The following ILDR1 variants were observed in gnomAD, a reference collection of about 807,000 sequenced individuals.
ILDR1 encodes the protein immunoglobulin like domain containing receptor 1.
In ILDR1, 56 loss-of-function variants were observed where a neutral mutation model predicts 62.4. That is an observed-to-expected ratio of 0.90 (90% CI 0.72 to 1.12). ILDR1 has a LOEUF of 1.12. ILDR1 is among the 50% of genes most tolerant of loss of function. ILDR1 has a pLI of 0.00. For missense variants in ILDR1, 736 were observed against 710.6 expected (o/e 1.04, Z -0.41); for synonymous variants, 284 against 277.8 (o/e 1.02, Z -0.22).
chr3:122,042,676 A>C, the ILDR1 span, among the ~76,000 whole-genome samples: 10 of 152,300 alleles, frequency 6.6e-5, no homozygotes, highest in South Asian at 2.1e-3. Context: ...AGTGATGATG[A>C]GCATTTTTTC....
At chr3:122,022,477 A>G (rs2071876620), upstream of ILDR1, among the ~76,000 whole-genome samples, 1 of 152,200 alleles carries the variant, frequency 6.6e-6, no homozygotes, top group Non-Finnish European at 1.5e-5. Context: ...CTCTCCTTCT[A>G]GAATTATGTG....
intron 1 of ILDR1, among the ~76,000 whole-genome samples, chr3:122,020,661 AG>A (rs1470152067): frequency 6.6e-6 from 1 of 152,208 alleles, no homozygotes; most frequent in Non-Finnish European, 1.5e-5. Flanking sequence ...TGAGATGAGC[AG>A]GGGAGCCACA....
At chr3:122,055,469 G>A in the ILDR1 span, 7 of 1,613,352 alleles carry the variant, frequency 4.3e-6, no homozygotes, top group African/African-American at 1.3e-5. Context: ...CAGATATTAG[G>A]TCACAGCAGA....
intron 7 of ILDR1, among the ~76,000 whole-genome samples, chr3:121,991,931 C>T (rs796294908): frequency 2.6e-5 from 4 of 152,154 alleles, no homozygotes; most frequent in South Asian, 2.1e-4. Context: ...CTCTCTGCTC[C>T]GGGAACTTAT....
At position 121,993,616 on chromosome 3, in the gene ILDR1, TG is replaced by T; in HGVS notation, c.1132del (p.Gln378ArgfsTer31). The T allele has an allele frequency of 6.2e-7, 1 of 1,614,176 alleles. No individual in the cohort carries two copies. Among genetic ancestry groups the T allele is most frequent in the Non-Finnish European group, 8.5e-7 (1 of 1,180,026 alleles). On this transcript the variant is annotated frameshift_variant, in exon 7 of 8. Transcript: ENST00000344209. LOFTEE classifies it high-confidence loss of function. ...RSHHHYPDFH[Q>X]ELQDRGPKSW... ...CTTTGGCCCCCGGTCCTGGAGCTCC[TG>T]GTGGAAATCAGGGTAATGGTGGTGG...
the ILDR1 span, among the ~76,000 whole-genome samples, chr3:122,047,040 C>T: frequency 6.9e-6 from 1 of 144,952 alleles, no homozygotes; most frequent in African/African-American, 2.6e-5. Flanking sequence ...TTTTCCCCAT[C>T]TTTGTGGTTT....
At chr3:122,050,768 G>A in the ILDR1 span, among the ~76,000 whole-genome samples, 4 of 151,870 alleles carry the variant, frequency 2.6e-5, no homozygotes, top group South Asian at 8.3e-4. Context: ...TTGTATTGCT[G>A]TTTAGTATCT....
At chr3:122,046,688 C>A in the ILDR1 span, among the ~76,000 whole-genome samples, 3 of 147,920 alleles carry the variant, frequency 2.0e-5, no homozygotes, top group Non-Finnish European at 4.5e-5. Context: ...ATTGCTGATA[C>A]CCTTTCTTCC....
chr3:122,008,588 CTTTTCTTTTTTTTTTT>C (rs1559879424), intron 1 of ILDR1, among the ~76,000 whole-genome samples: 6 of 66,448 alleles, frequency 9.0e-5, no homozygotes, highest in Non-Finnish European at 2.3e-4. Flanking sequence ...CTTTTCTTTT[CTTTTCTTTTTTTTTTT>C]TTTTTTTGAG....
the ILDR1 span, among the ~76,000 whole-genome samples, chr3:122,039,002 AAAAG>A: frequency 1.2e-4 from 19 of 152,150 alleles, no homozygotes; most frequent in Non-Finnish European, 2.2e-4. Context: ...AAAAATTTTA[AAAAG>A]AAAGAGAACT....
In ILDR1 at chr3:122,001,815, A is replaced by C; in HGVS notation, c.429T>G (p.Tyr143Ter). The C allele has an allele frequency of 6.2e-7, 1 of 1,613,596 alleles. No individual in the cohort carries two copies. The highest frequency in any genetic ancestry group is 8.5e-7 in the Non-Finnish European group (1 of 1,179,940). ...NEVMWWDHGVYYCTIEAPGDT... is the reference protein window; with the variant it reads ...NEVMWWDHGV ...CCCCTGGAGCCTCAATGGTGCAGTA[A>C]TACACTCCATGGTCCCACCACATCA... Residue 143 changes from tyrosine (Y) to a stop codon, truncating the protein, a stop_gained, in exon 4 of 8, where the codon TAT (tyrosine) becomes TAG (stop). Transcript: ENST00000344209. LOFTEE classifies it high-confidence loss of function.
intron 5 of ILDR1, among the ~76,000 whole-genome samples, chr3:121,996,707 G>A (rs1159670804): frequency 6.6e-6 from 1 of 152,042 alleles, no homozygotes; most frequent in African/African-American, 2.4e-5. Context: ...TCACTCCCAG[G>A]GACTCTCCTT....
At chr3:122,032,591 C>T in the ILDR1 span, among the ~76,000 whole-genome samples, 3 of 152,180 alleles carry the variant, frequency 2.0e-5, no homozygotes, top group Non-Finnish European at 4.4e-5. Context: ...AAATCCATGA[C>T]CCTCAAGTGT....
At chr3:121,990,479 T>C (rs532028894) in intron 7 of ILDR1, among the ~76,000 whole-genome samples, 1 of 152,348 alleles carries the variant, frequency 6.6e-6, no homozygotes, top group African/African-American at 2.4e-5. Context: ...AACTTTACAA[T>C]TGAAAATTTG....
the ILDR1 span, among the ~76,000 whole-genome samples, chr3:122,047,904 G>A: frequency 2.9e-4 from 44 of 152,336 alleles, no homozygotes; most frequent in Admixed American, 1.3e-3. Context: ...GCTGTAGACC[G>A]GAGCTGTTCC....
At chr3:122,018,394 T>TGG (rs535294009) in intron 1 of ILDR1, among the ~76,000 whole-genome samples, 1,322 of 51,820 alleles carry the variant, frequency 0.026, 28 homozygotes, top group African/African-American at 0.066. Flanking sequence ...CCTGTTGGGG[T>TGG]GGGGGGGGGG....
intron 5 of ILDR1, among the ~76,000 whole-genome samples, chr3:121,997,038 T>A (rs1001686410): frequency 1.3e-5 from 2 of 152,108 alleles, no homozygotes; most frequent in Non-Finnish European, 2.9e-5. Flanking sequence ...GTAGCTGGGA[T>A]TACAGGCGCC....
At chr3:122,051,363 A>C in the ILDR1 span, among the ~76,000 whole-genome samples, 1 of 152,028 alleles carries the variant, frequency 6.6e-6, no homozygotes, top group Non-Finnish European at 1.5e-5. Context: ...ATTTCAAATG[A>C]CTTGTAATTG....
chr3:122,020,669 C>T (rs2071841479), intron 1 of ILDR1, among the ~76,000 whole-genome samples: 1 of 152,176 alleles, frequency 6.6e-6, no homozygotes, highest in South Asian at 2.1e-4. Flanking sequence ...GCAGGGGAGC[C>T]ACAGGAGAGA....
Sources: allele counts gnomAD v4.1 joint callset (sites outside exome capture counted in the v4.1 genomes callset), GRCh38; gene constraint gnomAD v4.1.1; transcripts MANE v1.5; gene names NCBI Gene and HGNC (gene_info 2026-07-23, HGNC 2026-07-21).